The following BPTF variants were observed in gnomAD, a reference collection of about 807,000 sequenced individuals.
The protein encoded by BPTF is nucleosome-remodeling factor subunit BPTF.
Under a neutral mutation model 292.5 loss-of-function variants are expected in BPTF, and 18 were observed. The observed-to-expected ratio is 0.06, with a 90% CI of 0.04 to 0.09. The LOEUF is 0.09. BPTF is among the 10% of genes least tolerant of loss of function. The probability of loss-of-function intolerance (pLI) is 1.00; values close to 1 mark genes in which losing one functional copy is unlikely to be tolerated. For synonymous variants in BPTF, 1,225 were observed against 1,251.9 expected (o/e 0.98, Z 0.45); for missense variants, 2,726 against 3,498.7 (o/e 0.78, Z 5.57).
intron 4 of BPTF, among the ~76,000 whole-genome samples, chr17:67,889,914 G>T (rs1342307290): frequency 6.6e-6 from 1 of 152,128 alleles, no homozygotes; most frequent in Non-Finnish European, 1.5e-5. Flanking sequence ...TTCCAGCCTG[G>T]GGTGGCAAGA....
At chr17:67,906,463 T>G (rs1425759884) in intron 9 of BPTF, among the ~76,000 whole-genome samples, 1 of 152,172 alleles carries the variant, frequency 6.6e-6, no homozygotes, top group Non-Finnish European at 1.5e-5. Context: ...GATGAACTGC[T>G]CTTTTAAAAG....
chr17:67,959,618 A>T lies in BPTF; in HGVS notation c.8004A>T (p.Ala2668=). Residue 2668 remains alanine (A), a synonymous_variant, in exon 24 of 28, where the codon GCA becomes GCT. Transcript: ENST00000306378. ...MQLAQATAVA[A]PCPPVTPAPP... is the part of the protein sequence containing the mutation. ...TGGCTCAGGCCACAGCAGTAGCTGCACCCTGCCCCCCAGTGACACCAGCTC... is the reference window on the plus strand; with the variant it reads ...TGGCTCAGGCCACAGCAGTAGCTGCTCCCTGCCCCCCAGTGACACCAGCTC... The T allele has an allele frequency of 6.3e-7, 1 of 1,588,494 alleles. No homozygotes were observed. Among genetic ancestry groups the T allele is most frequent in the Non-Finnish European group, 8.5e-7 (1 of 1,170,860 alleles).
At chr17:67,961,830 C>T (rs1282175284) in intron 24 of BPTF, among the ~76,000 whole-genome samples, 3 of 152,036 alleles carry the variant, frequency 2.0e-5, no homozygotes, top group Admixed American at 2.0e-4. Flanking sequence ...AAAAATTAGC[C>T]AGATGTGGTG....
At chr17:67,917,172 G>T (rs527783660) in intron 11 of BPTF, among the ~76,000 whole-genome samples, 144 of 106,984 alleles carry the variant, frequency 1.3e-3, no homozygotes, top group Non-Finnish European at 2.1e-3. Flanking sequence ...TCACACTGCC[G>T]CCCGAGGTGG....
intron 13 of BPTF, 54 bp from the exon 14 acceptor site, chr17:67,922,786 T>C (rs1461354352): frequency 6.5e-7 from 1 of 1,543,814 alleles, no homozygotes; most frequent in Non-Finnish European, 8.7e-7. Context: ...ATGCCAGAAG[T>C]ACTTTAATTT....
chr17:67,868,760 G>T (rs2059534730), intron 3 of BPTF, among the ~76,000 whole-genome samples: 1 of 152,090 alleles, frequency 6.6e-6, no homozygotes, highest in Non-Finnish European at 1.5e-5. Flanking sequence ...AAGATACCCG[G>T]ATAGCTGTAT....
intron 11 of BPTF, among the ~76,000 whole-genome samples, chr17:67,913,506 T>G (rs2062787978): frequency 6.6e-6 from 1 of 152,188 alleles, no homozygotes; most frequent in Non-Finnish European, 1.5e-5. Flanking sequence ...GAGTTACTGC[T>G]CTGGGAACAA....
intron 1 of BPTF, among the ~76,000 whole-genome samples, chr17:67,843,681 C>A (rs1038920745): frequency 4.7e-5 from 7 of 147,984 alleles, no homozygotes; most frequent in African/African-American, 1.7e-4. Flanking sequence ...TACTATAGAG[C>A]AGTTCTATCA....
intron 23 of BPTF, among the ~76,000 whole-genome samples, chr17:67,953,961 C>CTTT (rs869063412): frequency 4.6e-5 from 3 of 65,644 alleles, no homozygotes; most frequent in African/African-American, 2.2e-4. Context: ...CTTTTCTTTT[C>CTTT]TTTTTTTTTT....
intron 24 of BPTF, among the ~76,000 whole-genome samples, chr17:67,961,472 A>G (rs1210058031): frequency 6.6e-6 from 1 of 150,896 alleles, no homozygotes; most frequent in African/African-American, 2.4e-5. Context: ...AACACAGCCT[A>G]TCACCCTGTG....
At position 67,825,564 on chromosome 17, in the gene BPTF, A is replaced by G. The variant is rs2055907048; in HGVS notation, c.-161A>G. On this transcript the variant is annotated 5_prime_UTR_variant, in exon 1 of 28. Coordinates refer to ENST00000306378, the MANE Select transcript of BPTF (RefSeq NM_182641.4). Reference sequence around the variant, plus strand: ...TGAAGGCGATCCGGAGTGGGGCCCCAGCAATTCGGATTGAGCCTTCTCCCT... The same window carrying G: ...TGAAGGCGATCCGGAGTGGGGCCCCGGCAATTCGGATTGAGCCTTCTCCCT... 1 of 429,762 alleles carries G rather than the reference A, an allele frequency of 2.3e-6. No individual in the cohort carries two copies. The highest frequency in any genetic ancestry group is 1.2e-4 in the East Asian group (1 of 8,514). 26.6% of individuals were successfully genotyped at this position (429,762 alleles called of 1,614,324 possible).
At chr17:67,891,089 G>T (rs2061076989) in intron 4 of BPTF, among the ~76,000 whole-genome samples, 1 of 152,132 alleles carries the variant, frequency 6.6e-6, no homozygotes, top group Admixed American at 6.6e-5. Context: ...AGGCTGAGAT[G>T]GGAGAATCAC....
chr17:67,887,038 A>G (rs2060798683), intron 4 of BPTF, among the ~76,000 whole-genome samples: 1 of 152,244 alleles, frequency 6.6e-6, no homozygotes, highest in Admixed American at 6.5e-5. Flanking sequence ...AGCTACATTT[A>G]AAAAACAGTG....
intron 12 of BPTF, among the ~76,000 whole-genome samples, chr17:67,919,290 C>A (rs1338166262): frequency 1.3e-5 from 2 of 151,846 alleles, no homozygotes; most frequent in Admixed American, 1.3e-4. Flanking sequence ...AATCCTAGCA[C>A]TTTGGGAGGC....
At chr17:67,855,146 C>G (rs912197484) in intron 2 of BPTF, among the ~76,000 whole-genome samples, 3 of 152,026 alleles carry the variant, frequency 2.0e-5, no homozygotes, top group East Asian at 1.9e-4. Flanking sequence ...ACTGAAAATA[C>G]AAAACTTAGC....
chr17:67,866,936 G>C (rs2059422945), intron 3 of BPTF, among the ~76,000 whole-genome samples: 2 of 152,192 alleles, frequency 1.3e-5, no homozygotes, highest in African/African-American at 4.8e-5. Flanking sequence ...CTGCAAACCT[G>C]TACGTCATGT....
rs576162185 is a variant in BPTF at position 67,957,470 on chromosome 17, G to A, written c.7927-2071G>A. On this transcript the variant is annotated intron_variant, in intron 23 of 27. Transcript: ENST00000306378. ...TAATCCAAGCACTTTGGGAGGCCAA[G>A]GTGGGCAGATCACCTGAGGGTAGGA... 4.6e-5 allele frequency among the ~76,000 whole-genome samples: 7 copies of A among 152,298 alleles called. No individual in the cohort carries two copies. In the South Asian group the frequency reaches 1.4e-3, roughly 32 times the overall value.
chr17:67,845,283 A>G (rs1177099556), intron 1 of BPTF, among the ~76,000 whole-genome samples: 2 of 152,208 alleles, frequency 1.3e-5, no homozygotes, highest in Non-Finnish European at 2.9e-5. Flanking sequence ...ATTGCCCAAC[A>G]ACCTTTCACC....
rs1217952973 is a variant in BPTF at position 67,919,998 on chromosome 17, G to C, written c.5429-17G>C. ...ATTTCAGTTGGTTATTAATACTATTGAATTAAATCACCATAGAAACATCCG... is the reference window on the plus strand; with the variant it reads ...ATTTCAGTTGGTTATTAATACTATTCAATTAAATCACCATAGAAACATCCG... On this transcript the variant is annotated splice_polypyrimidine_tract_variant and intron_variant, in intron 12 of 27. Coordinates refer to ENST00000306378, the MANE Select transcript of BPTF (RefSeq NM_182641.4). 1 of 1,599,654 alleles carries C rather than the reference G, an allele frequency of 6.3e-7. No homozygotes were observed. Among genetic ancestry groups the C allele is most frequent in the South Asian group, 1.1e-5 (1 of 89,414 alleles).
Sources: gnomAD v4.1 joint callset for allele counts (sites outside exome capture counted in the v4.1 genomes callset) on GRCh38, gnomAD v4.1.1 for gene constraint, MANE v1.5 for transcripts, NCBI Gene and HGNC (gene_info 2026-07-23, HGNC 2026-07-21) for gene names.